Variants in CDC42SE2 observed in about 807,000 individuals in gnomAD.
CDC42SE2 encodes the protein CDC42 small effector protein 2.
In CDC42SE2, 3 loss-of-function variants were observed where a neutral mutation model predicts 11.5. That is an observed-to-expected ratio of 0.26 (90% CI 0.12 to 0.67). The LOEUF is 0.67. CDC42SE2 is among the 30% of genes least tolerant of loss of function. The probability of loss-of-function intolerance (pLI) is 0.80; values close to 1 mark genes in which losing one functional copy is unlikely to be tolerated. For missense variants in CDC42SE2, 82 were observed against 106.8 expected (o/e 0.77, Z 1.02); for synonymous variants, 33 against 34.8 (o/e 0.95, Z 0.18).
chr5:131,237,760 T>C, the CDC42SE2 span, among the ~76,000 whole-genome samples: 1 of 152,218 alleles, frequency 6.6e-6, no homozygotes, highest in East Asian at 1.9e-4. Context: ...AGCTAATATT[T>C]TTCTTTTTTG....
At chr5:131,223,556 C>T in the CDC42SE2 span, among the ~76,000 whole-genome samples, 1 of 152,108 alleles carries the variant, frequency 6.6e-6, no homozygotes, top group African/African-American at 2.4e-5. Context: ...GTTTTAAAGC[C>T]TATTTCAGTT....
intron 1 of CDC42SE2, among the ~76,000 whole-genome samples, chr5:131,249,609 A>G (rs1336823590): frequency 6.6e-6 from 1 of 152,212 alleles, no homozygotes; most frequent in African/African-American, 2.4e-5. Context: ...TGATTTGATG[A>G]CTTTACTGTC....
intron 3 of CDC42SE2, among the ~76,000 whole-genome samples, chr5:131,365,081 G>A (rs191266168): frequency 6.6e-6 from 1 of 152,264 alleles, no homozygotes; most frequent in Non-Finnish European, 1.5e-5. Flanking sequence ...CCTGAGGTCA[G>A]GAGTTCGAGA....
chr5:131,219,384 A>G, the CDC42SE2 span, among the ~76,000 whole-genome samples: 2 of 152,200 alleles, frequency 1.3e-5, no homozygotes, highest in Non-Finnish European at 2.9e-5. Context: ...CAGCTTATAT[A>G]TAAGCCCACA....
At position 131,394,392 on chromosome 5, in the gene CDC42SE2, A is replaced by G. The variant is rs1353394769; in HGVS notation, c.*3301A>G. The G allele has an allele frequency of 2.6e-5, 4 of 152,380 alleles. No homozygotes were observed. Among genetic ancestry groups the G allele is most frequent in the Non-Finnish European group, 5.9e-5 (4 of 68,042 alleles). The allele number at this position is 152,380 out of a possible 1,614,324, so 9.4% of individuals were successfully genotyped here. A position where few individuals can be genotyped will look rare whatever the true frequency, so the allele number is the denominator to read the frequency against. On this transcript the variant is annotated 3_prime_UTR_variant, in exon 5 of 5. Transcript: ENST00000505065. The stretch of plus-strand genomic sequence containing the variant: ...ACATTGGGTTTAGCATTTCCAGTGC[A>G]GCATTATCAGTGGGCCTTTAAAAAT...
upstream of CDC42SE2, among the ~76,000 whole-genome samples, chr5:131,259,891 A>C (rs1756709219): frequency 6.6e-6 from 1 of 152,258 alleles, no homozygotes; most frequent in Non-Finnish European, 1.5e-5. Context: ...TTGTGGTGGC[A>C]GAAGAAATGT....
intron 1 of CDC42SE2, among the ~76,000 whole-genome samples, chr5:131,266,443 T>A (rs1001611816): frequency 2.0e-5 from 3 of 151,646 alleles, no homozygotes; most frequent in Non-Finnish European, 1.5e-5. Flanking sequence ...ACTTACCGGC[T>A]ATTAGCTTTT....
At chr5:131,246,745 ATT>A (rs1458772475) in intron 1 of CDC42SE2, among the ~76,000 whole-genome samples, 1 of 131,404 alleles carries the variant, frequency 7.6e-6, no homozygotes, top group East Asian at 2.1e-4. Context: ...CCATACCTAT[ATT>A]TTTCACTCAA....
At chr5:131,288,403 A>G (rs1251812662) in intron 1 of CDC42SE2, among the ~76,000 whole-genome samples, 2 of 152,194 alleles carry the variant, frequency 1.3e-5, no homozygotes, top group Non-Finnish European at 2.9e-5. Flanking sequence ...TCTACCTCCC[A>G]AGTTTCATGA....
chr5:131,355,973 T>C (rs996793437), intron 2 of CDC42SE2, among the ~76,000 whole-genome samples: 34 of 152,228 alleles, frequency 2.2e-4, no homozygotes, highest in African/African-American at 8.0e-4. Flanking sequence ...TTTCTACTCA[T>C]GTCAGTCTCA....
At chr5:131,292,289 T>C (rs1313612817) in intron 1 of CDC42SE2, among the ~76,000 whole-genome samples, 1 of 147,696 alleles carries the variant, frequency 6.8e-6, no homozygotes, top group African/African-American at 2.5e-5. Flanking sequence ...TCTTCCCAGC[T>C]GGACACAGTG....
At position 131,392,503 on chromosome 5, in the gene CDC42SE2, A is replaced by C. The variant is rs539948566; in HGVS notation, c.*1412A>C. ...AAGATTACTTGTAGCTTATTTTAGAAGTATGACCTTTTGGTCTGTTTGATT... is the reference window on the plus strand; with the variant it reads ...AAGATTACTTGTAGCTTATTTTAGACGTATGACCTTTTGGTCTGTTTGATT... On this transcript the variant is annotated 3_prime_UTR_variant, in exon 5 of 5. Coordinates refer to ENST00000505065, the MANE Select transcript of CDC42SE2 (RefSeq NM_001375635.1). 3.4e-4 allele frequency: 52 copies of C among 152,432 alleles called. No individual in the cohort carries two copies. Among genetic ancestry groups the C allele is most frequent in the African/African-American group, 1.2e-3 (50 of 41,582 alleles). The allele number at this position is 152,432 out of a possible 1,614,324, so 9.4% of individuals were successfully genotyped here.
intron 1 of CDC42SE2, among the ~76,000 whole-genome samples, chr5:131,273,988 G>A (rs1446604095): frequency 6.6e-6 from 1 of 151,946 alleles, no homozygotes; most frequent in South Asian, 2.1e-4. Context: ...ATGTTGCCCA[G>A]GCTGGTCTTG....
intron 1 of CDC42SE2, among the ~76,000 whole-genome samples, chr5:131,246,321 T>C (rs1322107132): frequency 6.6e-6 from 1 of 152,070 alleles, no homozygotes; most frequent in Non-Finnish European, 1.5e-5. Context: ...CTGGGAGTGG[T>C]GGTGGGCACC....
chr5:131,210,665 C>T, the CDC42SE2 span, among the ~76,000 whole-genome samples: 1 of 152,182 alleles, frequency 6.6e-6, no homozygotes, highest in African/African-American at 2.4e-5. Context: ...TCCACCTTTT[C>T]TTTATGATTG....
chr5:131,246,620 A>C (rs1220259261), intron 1 of CDC42SE2, among the ~76,000 whole-genome samples: 1 of 152,018 alleles, frequency 6.6e-6, no homozygotes, highest in Non-Finnish European at 1.5e-5. Flanking sequence ...CTGGATAAAT[A>C]ATTTTTCTTG....
intron 2 of CDC42SE2, among the ~76,000 whole-genome samples, chr5:131,323,311 A>C (rs188693470): frequency 2.6e-5 from 4 of 152,020 alleles, no homozygotes; most frequent in South Asian, 4.1e-4. Flanking sequence ...GGCATGAGCC[A>C]CTGTGCCCGA....
chr5:131,262,234 C>G (rs929027036), upstream of CDC42SE2, among the ~76,000 whole-genome samples: 1 of 151,020 alleles, frequency 6.6e-6, no homozygotes, highest in Admixed American at 6.6e-5. Context: ...TCTACTCTAT[C>G]ATGTTATTCT....
Position 131,293,237 on chromosome 5 carries a change from C to T in CDC42SE2, c.-454-22739C>T, listed in dbSNP as rs190065600. Among the ~76,000 whole-genome samples the T allele has an allele frequency of 2.0e-3, 298 of 152,256 alleles. 1 individual carries two copies. The highest frequency in any genetic ancestry group is 6.9e-3 in the African/African-American group (287 of 41,568). On this transcript the variant is annotated intron_variant, in intron 1 of 4. Transcript: ENST00000505065. ...ACCCCAGAGAGTTAGCTCTACCCTT[C>T]TACCATGTGAAGATACAGTGAGAAG... is the stretch of plus-strand genomic sequence containing the variant.
Sources: allele counts gnomAD v4.1 joint callset (sites outside exome capture counted in the v4.1 genomes callset), GRCh38; gene constraint gnomAD v4.1.1; transcripts MANE v1.5; gene names NCBI Gene and HGNC (gene_info 2026-07-23, HGNC 2026-07-21).